The following PTPRZ1 variants were observed in gnomAD, a reference collection of about 807,000 sequenced individuals.
PTPRZ1 encodes the protein receptor-type tyrosine-protein phosphatase zeta.
A neutral mutation model predicts 214.1 loss-of-function variants in PTPRZ1; 82 were observed. The ratio of observed to expected loss-of-function variants is 0.38; its 90% CI spans 0.32 to 0.46. The LOEUF is 0.46. Ranked by LOEUF, PTPRZ1 falls within the 20% of genes least tolerant of loss-of-function variation. The pLI is 1.00. For synonymous variants in PTPRZ1, 945 were observed against 987.9 expected (o/e 0.96, Z 0.81); for missense variants, 2,603 against 2,748.7 (o/e 0.95, Z 1.19).
In PTPRZ1 at chr7:122,036,606, A is replaced by G. The variant is rs765433141; in HGVS notation, c.5291A>G (p.His1764Arg). The G allele has an allele frequency of 1.0e-5, 16 of 1,594,966 alleles. No homozygotes were observed. The highest frequency in any genetic ancestry group is 1.4e-5 in the Non-Finnish European group (16 of 1,162,794). ...TATTCTCTTTATATTACAGATGATC[A>G]TAGCAGGGTTAAGCTAGCACAGCTT... ...NRYINIVAYD[H>R]SRVKLAQLAE... The change falls in exon 18 of 30, where the codon CAT becomes CGT. Residue 1764 changes from histidine (H) to arginine (R), a missense_variant. Transcript: ENST00000393386.
intron 11 of PTPRZ1, 87 bp from the exon 12 acceptor site, chr7:122,010,247 C>T: frequency 7.7e-7 from 1 of 1,301,104 alleles, no homozygotes; most frequent in Non-Finnish European, 1.1e-6. Context: ...CAAGATACCA[C>T]AAGTGATGAT....
intron 2 of PTPRZ1, among the ~76,000 whole-genome samples, chr7:121,946,453 ATCAC>A (rs1178788266): frequency 6.6e-6 from 1 of 152,186 alleles, no homozygotes; most frequent in Non-Finnish European, 1.5e-5. Flanking sequence ...AACAGTTGTC[ATCAC>A]TCTTAATTCA....
At chr7:122,034,011 C>T (rs925911595) in intron 15 of PTPRZ1, 84 bp from the exon 16 acceptor site, 1 of 1,271,108 alleles carries the variant, frequency 7.9e-7, no homozygotes, top group African/African-American at 1.5e-5. Context: ...CATTGTAAAC[C>T]TAATATGAAC....
chr7:121,957,091 CTG>C (rs370952730), intron 2 of PTPRZ1, among the ~76,000 whole-genome samples: 2 of 152,370 alleles, frequency 1.3e-5, no homozygotes, highest in East Asian at 3.9e-4. Context: ...CTTCAGCTTT[CTG>C]TGCCTGGTCT....
chr7:121,873,303 G>T lies in PTPRZ1; in HGVS notation c.-197G>T. 1 of 541,546 alleles carries T rather than the reference G, an allele frequency of 1.8e-6. No homozygotes were observed. Among genetic ancestry groups the T allele is most frequent in the Admixed American group, 3.1e-5 (1 of 32,652 alleles). The allele number at this position is 541,546 out of a possible 1,614,324, so 33.5% of individuals were successfully genotyped here. On this transcript the variant is annotated 5_prime_UTR_variant, in exon 1 of 30. Transcript: ENST00000393386. ...TCGCTGTCTCTGACTGTCTCTCTCT[G>T]TCTCTGTCTCTGTCTCTCTCTCTCT...
chr7:121,968,453 A>T (rs1281484941), intron 3 of PTPRZ1, among the ~76,000 whole-genome samples: 1 of 152,112 alleles, frequency 6.6e-6, no homozygotes, highest in Non-Finnish European at 1.5e-5. Flanking sequence ...CTTTTTCTTG[A>T]GCATTATAGT....
chr7:121,894,587 G>A (rs937825731), intron 1 of PTPRZ1, among the ~76,000 whole-genome samples: 1 of 151,942 alleles, frequency 6.6e-6, no homozygotes, highest in East Asian at 1.9e-4. Flanking sequence ...TGTATTTTTT[G>A]TAGAGACACG....
intron 11 of PTPRZ1, among the ~76,000 whole-genome samples, chr7:122,007,074 G>T (rs1233787065): frequency 6.6e-6 from 1 of 152,058 alleles, no homozygotes; most frequent in South Asian, 2.1e-4. Context: ...ATGGAGACAG[G>T]TGGAGAGAGG....
chr7:122,058,211 A>T (rs531726629), intron 27 of PTPRZ1, among the ~76,000 whole-genome samples: 10 of 151,926 alleles, frequency 6.6e-5, no homozygotes, highest in African/African-American at 2.4e-4. Flanking sequence ...ACTTGTTTTT[A>T]AAAAAGGTAT....
At chr7:121,987,703 T>C (rs1274440298) in intron 8 of PTPRZ1, among the ~76,000 whole-genome samples, 1 of 152,220 alleles carries the variant, frequency 6.6e-6, no homozygotes, top group Non-Finnish European at 1.5e-5. Flanking sequence ...GTTGTATGCC[T>C]TCTTCTAAGA....
At position 121,976,966 on chromosome 7, in the gene PTPRZ1, G is replaced by A. The variant is rs1387633709; in HGVS notation, c.619+115G>A. On this transcript the variant is annotated intron_variant, in intron 6 of 29. Coordinates refer to ENST00000393386, the MANE Select transcript of PTPRZ1 (RefSeq NM_002851.3). ...AGGTGGAAAGTACTACATTTTTAAA[G>A]AGGAGCAATCTCTCACTTTCCACAC... 15 of 685,940 alleles carry A rather than the reference G, an allele frequency of 2.2e-5. No homozygotes were observed. The East Asian group carries it at 3.8e-4, about 18-fold the overall frequency. The allele number at this position is 685,940 out of a possible 1,614,324, so 42.5% of individuals were successfully genotyped here.
In PTPRZ1 at chr7:121,874,075, A is replaced by G. The variant is rs77725770; in HGVS notation, c.58+518A>G. On this transcript the variant is annotated intron_variant, in intron 1 of 29. Transcript: ENST00000393386. ...ACACACACACACACACCTGAAAGGT[A>G]GTAACAGGCACAAGCACCAACCTGA... Among the ~76,000 whole-genome samples the G allele has an allele frequency of 1.3e-3, 184 of 143,574 alleles. 2 individuals are homozygous for G. The East Asian group carries it at 0.03, about 23-fold the overall frequency. 94.2% of individuals were successfully genotyped at this position (143,574 alleles called of 152,430 possible). A position where few individuals can be genotyped will look rare whatever the true frequency, so the allele number is the denominator to read the frequency against.
At chr7:122,041,299 A>AATTTTT (rs1434867721) in intron 21 of PTPRZ1, among the ~76,000 whole-genome samples, 3 of 148,060 alleles carry the variant, frequency 2.0e-5, no homozygotes, top group Non-Finnish European at 3.1e-5. Context: ...ACCTCAACAT[A>AATTTTT]TAATACCATG....
Position 122,010,318 on chromosome 7 carries a change from T to G in PTPRZ1, c.1288-16T>G, listed in dbSNP as rs1408203748. 6.3e-7 allele frequency: 1 copy of G among 1,581,642 alleles called. No homozygotes were observed. The highest frequency in any genetic ancestry group is 2.2e-5 in the East Asian group (1 of 44,722). On this transcript the variant is annotated splice_polypyrimidine_tract_variant and intron_variant, in intron 11 of 29. Coordinates refer to ENST00000393386, the MANE Select transcript of PTPRZ1 (RefSeq NM_002851.3). ...TATTTCCTTATGACTCATTAAATCT[T>G]GTTTGCTTTTCAAAGGAGGAGGAAG...
chr7:121,897,503 T>G (rs892869127), intron 1 of PTPRZ1, among the ~76,000 whole-genome samples: 4 of 152,172 alleles, frequency 2.6e-5, no homozygotes, highest in Admixed American at 2.0e-4. Flanking sequence ...TTCTACCTTG[T>G]TTTATACATT....
At chr7:121,884,683 G>C (rs1005989027) in intron 1 of PTPRZ1, among the ~76,000 whole-genome samples, 1 of 152,038 alleles carries the variant, frequency 6.6e-6, no homozygotes, top group South Asian at 2.1e-4. Flanking sequence ...CACTCTCCTT[G>C]GTCTTTTTTA....
chr7:121,986,622 A>G (rs1797769520), intron 8 of PTPRZ1, among the ~76,000 whole-genome samples: 1 of 152,172 alleles, frequency 6.6e-6, no homozygotes, highest in African/African-American at 2.4e-5. Flanking sequence ...CTATGTGTGT[A>G]TATTGTCACA....
At chr7:121,902,861 A>T (rs1229261754) in intron 1 of PTPRZ1, among the ~76,000 whole-genome samples, 1 of 152,170 alleles carries the variant, frequency 6.6e-6, no homozygotes, top group Non-Finnish European at 1.5e-5. Context: ...CATGCCTACA[A>T]TGAAGCAAAA....
intron 1 of PTPRZ1, among the ~76,000 whole-genome samples, chr7:121,892,851 C>T (rs1252648746): frequency 6.6e-6 from 1 of 151,210 alleles, no homozygotes; most frequent in African/African-American, 2.4e-5. Flanking sequence ...AGCTTTTCAA[C>T]CAAATATATC....
Sources: allele counts gnomAD v4.1 joint callset (sites outside exome capture counted in the v4.1 genomes callset), GRCh38; gene constraint gnomAD v4.1.1; transcripts MANE v1.5; gene names NCBI Gene and HGNC (gene_info 2026-07-23, HGNC 2026-07-21).